RBL1: variants seen among roughly 807,000 people sequenced by gnomAD.
RBL1 encodes RB transcriptional corepressor like 1.
Under a neutral mutation model 123.0 loss-of-function variants are expected in RBL1, and 82 were observed. That is an observed-to-expected ratio of 0.67 (90% CI 0.56 to 0.80). The LOEUF is 0.80. RBL1 is among the 30% of genes least tolerant of loss of function. The pLI is 0.00. For synonymous variants in RBL1, 405 were observed against 441.3 expected (o/e 0.92, Z 1.03); for missense variants, 1,171 against 1,299.6 (o/e 0.90, Z 1.52).
intron 10 of RBL1, 34 bp downstream of exon 10, chr20:37,056,112 C>A (rs1460739332): frequency 1.3e-6 from 2 of 1,577,840 alleles, no homozygotes; most frequent in Admixed American, 1.9e-5. Flanking sequence ...TACTTATTTT[C>A]AATGCTATGC....
chr20:37,068,209 A>C (rs1397771630), intron 2 of RBL1, 23 bp from the exon 3 acceptor site: 5 of 1,532,082 alleles, frequency 3.3e-6, no homozygotes, highest in Non-Finnish European at 4.4e-6. Context: ...AGGAGGAGAA[A>C]AAAGGCACCT....
chr20:37,067,415 A>T, intron 3 of RBL1, 118 bp from the exon 4 acceptor site: 1 of 809,018 alleles, frequency 1.2e-6, no homozygotes, highest in Non-Finnish European at 1.9e-6. Flanking sequence ...ATTCATGAAG[A>T]AAAGTAATCT....
chr20:37,068,472 C>G (rs1315916240), intron 2 of RBL1, among the ~76,000 whole-genome samples: 1 of 151,682 alleles, frequency 6.6e-6, no homozygotes, highest in African/African-American at 2.4e-5. Context: ...GGTGACAAAG[C>G]AAGACACTGT....
At chr20:37,016,914 G>C (rs1481975993) in intron 19 of RBL1, among the ~76,000 whole-genome samples, 1 of 136,350 alleles carries the variant, frequency 7.3e-6, no homozygotes, top group Non-Finnish European at 1.6e-5. Flanking sequence ...AAATAAAAGA[G>C]AAAGGAGGGC....
intron 2 of RBL1, among the ~76,000 whole-genome samples, chr20:37,083,088 A>G (rs1022913099): frequency 5.9e-5 from 9 of 152,202 alleles, no homozygotes; most frequent in African/African-American, 2.2e-4. Flanking sequence ...AAACAAAATC[A>G]TTTGAAATTT....
At chr20:37,066,629 T>C in intron 6 of RBL1, 95 bp downstream of exon 6, 1 of 1,167,348 alleles carries the variant, frequency 8.6e-7, no homozygotes. Flanking sequence ...TGACCCTAAG[T>C]TCTATAATGC....
chr20:37,012,854 G>A (rs1182252017), intron 19 of RBL1, among the ~76,000 whole-genome samples: 4 of 148,652 alleles, frequency 2.7e-5, no homozygotes, highest in African/African-American at 7.5e-5. Flanking sequence ...CTGCCTGGCC[G>A]CCCCTACTGG....
chr20:37,083,407 G>A (rs1290789823), intron 2 of RBL1, among the ~76,000 whole-genome samples: 1 of 151,984 alleles, frequency 6.6e-6, no homozygotes, highest in Non-Finnish European at 1.5e-5. Flanking sequence ...GGCGGAGGTT[G>A]CAAGTGAGCA....
intron 17 of RBL1, chr20:37,021,895 G>C (rs2146228450): frequency 6.0e-6 from 1 of 166,954 alleles, no homozygotes; most frequent in African/African-American, 2.4e-5. Flanking sequence ...AACATAGTCG[G>C]TGCTTTTTTA....
chr20:37,033,925 G>GC (rs1290166804), intron 15 of RBL1, among the ~76,000 whole-genome samples: 5 of 149,630 alleles, frequency 3.3e-5, no homozygotes, highest in Non-Finnish European at 7.4e-5. Context: ...CGCCCCCCGG[G>GC]CCCCCTTTTT....
At chr20:37,021,026 G>A (rs1937001) in intron 17 of RBL1, among the ~76,000 whole-genome samples, 54,731 of 152,048 alleles carry the variant, frequency 0.36, 12,120 homozygotes, top group South Asian at 0.57. Flanking sequence ...AGAAAACTCA[G>A]ATCTGTTTAA....
intron 6 of RBL1, 63 bp downstream of exon 6, chr20:37,066,661 T>G: frequency 6.1e-6 from 9 of 1,483,732 alleles, no homozygotes; most frequent in Non-Finnish European, 8.3e-6. Flanking sequence ...TTAAAACATT[T>G]TTTTCTTTTC....
chr20:37,052,052 A>G (rs1464908852), intron 11 of RBL1, among the ~76,000 whole-genome samples: 1 of 149,224 alleles, frequency 6.7e-6, no homozygotes, highest in East Asian at 1.9e-4. Flanking sequence ...TTTTTTTTTT[A>G]GATAGAGTCT....
chr20:37,065,341 A>T, intron 7 of RBL1, 83 bp downstream of exon 7: 1 of 1,021,370 alleles, frequency 9.8e-7, no homozygotes, highest in Non-Finnish European at 1.4e-6. Context: ...ACTTTGATAT[A>T]CTGTTATGCT....
chr20:37,011,998 G>T (rs527375744), intron 19 of RBL1, among the ~76,000 whole-genome samples: 2 of 152,188 alleles, frequency 1.3e-5, no homozygotes, highest in Non-Finnish European at 2.9e-5. Flanking sequence ...CAGTGCCTGC[G>T]ATTGCAGGCG....
intron 19 of RBL1, among the ~76,000 whole-genome samples, chr20:37,015,021 C>CCATTGCA (rs1199785985): frequency 6.7e-6 from 1 of 149,110 alleles, no homozygotes; most frequent in Non-Finnish European, 1.5e-5. Context: ...CGAGATCGCA[C>CCATTGCA]CATTGCACTC....
chr20:37,035,459 A>AC lies in RBL1; in HGVS notation c.1952_1953insG (p.Thr652TyrfsTer6). On this transcript the variant is annotated frameshift_variant, in exon 15 of 22. Coordinates refer to ENST00000373664, the MANE Select transcript of RBL1 (RefSeq NM_002895.5). LOFTEE classifies it high-confidence loss of function. ...GTCTTCTCTTAGCACTCCCTGCGGT[A>AC]GGAGAACTGTAGCGTTCATGGACAG... 1.2e-6 allele frequency: 2 copies of AC among 1,613,248 alleles called. No individual in the cohort carries two copies. The highest frequency in any genetic ancestry group is 1.7e-6 in the Non-Finnish European group (2 of 1,179,426).
chr20:37,024,163 A>G (rs1477209087), intron 16 of RBL1, among the ~76,000 whole-genome samples: 2 of 152,124 alleles, frequency 1.3e-5, no homozygotes, highest in Non-Finnish European at 2.9e-5. Context: ...AAAAATACCT[A>G]CAAACCGAGC....
At chr20:37,062,709 A>G (rs1036597899) in intron 7 of RBL1, among the ~76,000 whole-genome samples, 17 of 150,656 alleles carry the variant, frequency 1.1e-4, no homozygotes, top group African/African-American at 3.7e-4. Context: ...TAATCCCAGC[A>G]CTTTGGGAGG....
Sources: gnomAD v4.1 joint callset for allele counts (sites outside exome capture counted in the v4.1 genomes callset) on GRCh38, gnomAD v4.1.1 for gene constraint, MANE v1.5 for transcripts, NCBI Gene and HGNC (gene_info 2026-07-23, HGNC 2026-07-21) for gene names.